Variants in GPC6 observed in about 807,000 individuals in gnomAD.
GPC6 encodes glypican 6, also known as glypican-6.
A neutral mutation model predicts 55.2 loss-of-function variants in GPC6; 14 were observed. That is an observed-to-expected ratio of 0.25 (90% confidence interval 0.17 to 0.40). The LOEUF is 0.40. Ranked by LOEUF, GPC6 falls within the 10% of genes least tolerant of loss-of-function variation. The pLI, the probability that GPC6 is intolerant of heterozygous loss-of-function variation, is 1.00. For synonymous variants in GPC6, 278 were observed against 259.6 expected, an observed-to-expected ratio of 1.07 and a Z score of -0.68; for missense variants, 641 against 708.5, an observed-to-expected ratio of 0.90 and a Z score of 1.08.
At chr13:94,278,477 A>G (rs1362099601) in intron 4 of GPC6, among the ~76,000 whole-genome samples, 1 of 152,174 alleles carries the variant, frequency 6.6e-6, no homozygotes, top group South Asian at 2.1e-4. Flanking sequence ...ACTATGTTGA[A>G]TATGAGTGAT....
chr13:93,830,648 A>G (rs978869823), intron 3 of GPC6, 103 bp downstream of exon 3: 1 of 1,061,508 alleles, frequency 9.4e-7, no homozygotes, highest in Admixed American at 2.7e-5. Flanking sequence ...ACCAAGGTAA[A>G]AATTCTTAAT....
intron 1 of GPC6, among the ~76,000 whole-genome samples, chr13:93,267,199 G>C (rs969484539): frequency 6.6e-6 from 1 of 152,210 alleles, no homozygotes; most frequent in East Asian, 1.9e-4. Context: ...TTAGGATCTT[G>C]ATGAATTCAA....
chr13:93,524,474 T>C (rs377160885), intron 1 of GPC6, among the ~76,000 whole-genome samples: 2 of 151,976 alleles, frequency 1.3e-5, no homozygotes, highest in East Asian at 3.9e-4. Context: ...ACTGCTTCAG[T>C]CCTTATGTCA....
chr13:93,652,534 G>A (rs1480009514), intron 2 of GPC6, among the ~76,000 whole-genome samples: 2 of 152,208 alleles, frequency 1.3e-5, no homozygotes, highest in Non-Finnish European at 2.9e-5. Context: ...TTTTTGCCCA[G>A]TGGAGGTAGA....
intron 4 of GPC6, among the ~76,000 whole-genome samples, chr13:94,257,874 T>C (rs1039443204): frequency 6.6e-6 from 1 of 151,170 alleles, no homozygotes; most frequent in Non-Finnish European, 1.5e-5. Flanking sequence ...CAACAAAGAG[T>C]GGGTAGAGTG....
At chr13:93,897,968 A>G (rs1876109225) in intron 3 of GPC6, among the ~76,000 whole-genome samples, 1 of 152,182 alleles carries the variant, frequency 6.6e-6, no homozygotes, top group Non-Finnish European at 1.5e-5. Context: ...ATTTTTCACA[A>G]AAATGTGAGG....
At chr13:93,520,683 C>T (rs1010877573) in intron 1 of GPC6, among the ~76,000 whole-genome samples, 2 of 151,838 alleles carry the variant, frequency 1.3e-5, no homozygotes, top group African/African-American at 4.8e-5. Flanking sequence ...CTGTGAATAG[C>T]ATTTATGGAG....
At chr13:93,346,370 A>G (rs1880430827) in intron 1 of GPC6, among the ~76,000 whole-genome samples, 1 of 152,200 alleles carries the variant, frequency 6.6e-6, no homozygotes, top group Non-Finnish European at 1.5e-5. Context: ...CTTCCTAGCC[A>G]TTAAGAAATC....
intron 6 of GPC6, among the ~76,000 whole-genome samples, chr13:94,331,901 G>A (rs184475844): frequency 4.0e-4 from 61 of 152,146 alleles, no homozygotes; most frequent in African/African-American, 1.4e-3. Flanking sequence ...CAAAGAGTTC[G>A]TCAACTAAAA....
intron 1 of GPC6, among the ~76,000 whole-genome samples, chr13:93,271,848 A>G (rs1026699272): frequency 2.6e-5 from 4 of 152,188 alleles, no homozygotes; most frequent in Non-Finnish European, 5.9e-5. Context: ...TTCCTTTCAT[A>G]GACTGTTAAA....
chr13:93,337,757 C>A (rs1288077977), intron 1 of GPC6, among the ~76,000 whole-genome samples: 3 of 152,162 alleles, frequency 2.0e-5, no homozygotes, highest in Admixed American at 2.0e-4. Context: ...AGAACGAATT[C>A]TTTTATAAAT....
intron 2 of GPC6, among the ~76,000 whole-genome samples, chr13:93,704,980 T>C (rs1012579884): frequency 6.6e-6 from 1 of 151,908 alleles, no homozygotes; most frequent in African/African-American, 2.4e-5. Context: ...TCAGTCCCTG[T>C]TCCTTGGCCT....
At chr13:93,374,022 C>T (rs1874784335) in intron 1 of GPC6, among the ~76,000 whole-genome samples, 1 of 152,166 alleles carries the variant, frequency 6.6e-6, no homozygotes, top group East Asian at 1.9e-4. Flanking sequence ...ATCTAGGGAT[C>T]TCATACAGTA....
chr13:94,068,834 A>G (rs1459636928), intron 4 of GPC6, among the ~76,000 whole-genome samples: 1 of 152,046 alleles, frequency 6.6e-6, no homozygotes, highest in Non-Finnish European at 1.5e-5. Context: ...GGGCAGCTCC[A>G]CCCCTGTGGT....
chr13:94,313,552 A>T (rs1203706862), intron 6 of GPC6, among the ~76,000 whole-genome samples: 6 of 152,122 alleles, frequency 3.9e-5, no homozygotes. Context: ...GAGTACACTC[A>T]CTCTGGCTAC....
chr13:93,299,927 G>A lies in GPC6; in HGVS notation c.160+72311G>A, dbSNP rs116924990. Among the ~76,000 whole-genome samples, 811 of 152,268 alleles carry A rather than the reference G, an allele frequency of 5.3e-3. 5 individuals are homozygous for A. The highest frequency in any genetic ancestry group is 8.2e-3 in the Admixed American group (125 of 15,302). ...TCTTAAGGTATTCAGAATTAATAAA[G>A]CAGGGAAGATATTAATCAAGGATAG... On this transcript the variant is annotated intron_variant, in intron 1 of 8. Transcript: ENST00000377047.
chr13:93,445,048 C>T (rs9516233), intron 1 of GPC6, among the ~76,000 whole-genome samples: 89,681 of 151,994 alleles, frequency 0.59, 27,598 homozygotes, highest in Middle Eastern at 0.74. Context: ...ATATCATTGT[C>T]ACTTGGTCTT....
chr13:93,985,924 T>A (rs191024797), intron 3 of GPC6, among the ~76,000 whole-genome samples: 229 of 152,234 alleles, frequency 1.5e-3, no homozygotes, highest in African/African-American at 5.2e-3. Flanking sequence ...CGGTTCTCTA[T>A]GTCTCAGTTA....
At chr13:93,273,368 C>T (rs1877609902) in intron 1 of GPC6, among the ~76,000 whole-genome samples, 1 of 152,092 alleles carries the variant, frequency 6.6e-6, no homozygotes, top group Admixed American at 6.5e-5. Flanking sequence ...AAAAAAAGTA[C>T]TGTACATAGG....
Sources: gnomAD v4.1 joint callset for allele counts (sites outside exome capture counted in the v4.1 genomes callset) on GRCh38, gnomAD v4.1.1 for gene constraint, MANE v1.5 for transcripts, NCBI Gene and HGNC (gene_info 2026-07-23, HGNC 2026-07-21) for gene names.